The following TMC3 variants were observed in gnomAD, a reference collection of about 807,000 sequenced individuals.
TMC3 encodes the protein transmembrane channel-like protein 3.
A neutral mutation model predicts 110.6 loss-of-function variants in TMC3; 98 were observed. The observed-to-expected ratio is 0.89, with a 90% CI of 0.75 to 1.05. The LOEUF (loss-of-function observed/expected upper bound fraction) is 1.05, where lower values mean the gene tolerates loss of function less well. TMC3 is among the 50% of genes least tolerant of loss of function. The pLI, the probability that TMC3 is intolerant of heterozygous loss-of-function variation, is 0.00. For synonymous variants in TMC3, 489 were observed against 513.1 expected, an observed-to-expected ratio of 0.95 and a Z score of 0.63; for missense variants, 1,319 against 1,373.2, an observed-to-expected ratio of 0.96 and a Z score of 0.62.
At chr15:81,347,913 C>T (rs1159253760) in intron 11 of TMC3, among the ~76,000 whole-genome samples, 1 of 151,610 alleles carries the variant, frequency 6.6e-6, no homozygotes, top group African/African-American at 2.4e-5. Flanking sequence ...AGGCTCATCC[C>T]AGATCTACCC....
At chr15:81,348,184 A>G (rs935599460) in intron 11 of TMC3, among the ~76,000 whole-genome samples, 5 of 152,368 alleles carry the variant, frequency 3.3e-5, no homozygotes, top group Middle Eastern at 3.4e-3. Flanking sequence ...AGTATTTACT[A>G]TCTAGTTCTT....
At chr15:81,363,228 G>C (rs1199159875) in intron 3 of TMC3, among the ~76,000 whole-genome samples, 1 of 151,238 alleles carries the variant, frequency 6.6e-6, no homozygotes, top group African/African-American at 2.4e-5. Flanking sequence ...TGCAGCCTGG[G>C]GGACAGAGTG....
In TMC3 at chr15:81,351,778, G is replaced by C. The variant is rs1428394398; in HGVS notation, c.999C>G (p.Ser333Arg). The change falls in exon 10 of 22, where the codon AGC (serine) becomes AGG (arginine). Residue 333 changes from serine to arginine, a missense_variant. Coordinates refer to ENST00000359440, the MANE Select transcript of TMC3 (RefSeq NM_001080532.3). ...CCACCACAAAGTAGATGAGATAAAT[G>C]CTCCCAGCCAGTGAGAGAAGCACCA... is the stretch of plus-strand genomic sequence containing the variant. ...NILVLLSLAG[S>R]IYLIYFVVDR... 3 of 1,607,170 alleles carry C rather than the reference G, an allele frequency of 1.9e-6. No homozygotes were observed. Among genetic ancestry groups the C allele is most frequent in the Non-Finnish European group, 2.5e-6 (3 of 1,176,964 alleles).
intron 16 of TMC3, 75 bp downstream of exon 16, chr15:81,341,315 C>G (rs906799304): frequency 8.3e-6 from 12 of 1,452,126 alleles, no homozygotes; most frequent in Non-Finnish European, 1.1e-5. Context: ...GCTAGAGGAC[C>G]CCTGGGTAAG....
intron 14 of TMC3, 109 bp downstream of exon 14, chr15:81,343,808 T>C: frequency 8.1e-7 from 1 of 1,228,874 alleles, no homozygotes; most frequent in Non-Finnish European, 1.1e-6. Flanking sequence ...ACTTGTATTC[T>C]CTTTCCGTGT....
intron 7 of TMC3, among the ~76,000 whole-genome samples, chr15:81,357,437 C>T (rs976277251): frequency 2.0e-5 from 3 of 151,870 alleles, no homozygotes; most frequent in East Asian, 1.9e-4. Context: ...AGCTTTTCCC[C>T]GGGATTTGGA....
intron 4 of TMC3, among the ~76,000 whole-genome samples, chr15:81,360,353 A>C (rs1019444994): frequency 7.2e-5 from 11 of 152,194 alleles, no homozygotes; most frequent in Admixed American, 7.2e-4. Flanking sequence ...ATATATTACA[A>C]GCATTTTCTC....
chr15:81,336,494 G>A (rs1298673240), intron 20 of TMC3, 115 bp downstream of exon 20: 10 of 937,014 alleles, frequency 1.1e-5, no homozygotes, highest in Non-Finnish European at 1.5e-5. Context: ...CTTGAACCGG[G>A]AAGGTGGAGG....
Position 81,356,516 on chromosome 15 carries a change from G to T in TMC3, c.822C>A (p.Ala274=). 6.4e-7 allele frequency: 1 copy of T among 1,572,884 alleles called. No individual in the cohort carries two copies. The highest frequency in any genetic ancestry group is 8.6e-7 in the Non-Finnish European group (1 of 1,158,370). ...NYTFCWRVFC[A]WDYLIGNPEA... ...CTGGGTTTCCAATGAGGTAATCCCA[G>T]GCACAGAACACCCGCCAGCAGAAGG... Residue 274 remains alanine, a synonymous_variant, in exon 8 of 22, where the codon GCC becomes GCA. Transcript: ENST00000359440.
chr15:81,332,830 T>G lies in TMC3; in HGVS notation c.2892A>C (p.Ile964=). 2 of 1,613,168 alleles carry G rather than the reference T, an allele frequency of 1.2e-6. No individual in the cohort carries two copies. Among genetic ancestry groups the G allele is most frequent in the Non-Finnish European group, 1.7e-6 (2 of 1,179,744 alleles). ...IKRSLPPRSL[I]DLRRAPHFYI... The stretch of plus-strand genomic sequence containing the variant: ...AAAAATGAGGAGCCCGACGGAGGTC[T>G]ATCAGGGAGCGTGGGGGAAGAGACC... Residue 964 remains isoleucine, a synonymous_variant, in exon 22 of 22, where the codon ATA becomes ATC. Transcript: ENST00000359440.
chr15:81,337,929 G>A lies in TMC3; in HGVS notation c.2082-5C>T. On this transcript the variant is annotated splice_region_variant and splice_polypyrimidine_tract_variant and intron_variant, in intron 18 of 21. Transcript: ENST00000359440. ...TGGAGATAATAGATGAGCATGCTAG[G>A]ACAGAACAACACAGGACAATGAGTG... 2 of 1,612,738 alleles carry A rather than the reference G, an allele frequency of 1.2e-6. No homozygotes were observed. The highest frequency in any genetic ancestry group is 1.3e-5 in the African/African-American group (1 of 75,008).
chr15:81,351,901 C>G (rs1893960698), intron 9 of TMC3, 60 bp from the exon 10 acceptor site: 1 of 1,571,672 alleles, frequency 6.4e-7, no homozygotes, highest in African/African-American at 1.3e-5. Context: ...CACCACGATG[C>G]AAAGACAACA....
chr15:81,361,194 A>T (rs7169425), intron 4 of TMC3, among the ~76,000 whole-genome samples: 23,882 of 152,038 alleles, frequency 0.16, 3,586 homozygotes, highest in African/African-American at 0.4. Context: ...TTCTTTTTTT[A>T]GGTAATTAAA....
At position 81,373,984 on chromosome 15, in the gene TMC3, C is replaced by A; in HGVS notation, c.89+5G>T. On this transcript the variant is annotated splice_donor_5th_base_variant and intron_variant, in intron 1 of 21. Transcript: ENST00000359440. ...CTGCCCAGCTGATGAATGGGGCCAG[C>A]TCACCTGAGCAGCAGAGATTCCTGG... is the stretch of plus-strand genomic sequence containing the variant. The A allele has an allele frequency of 1.2e-6, 2 of 1,612,942 alleles. No individual in the cohort carries two copies. Among genetic ancestry groups the A allele is most frequent in the Non-Finnish European group, 1.7e-6 (2 of 1,179,492 alleles).
chr15:81,344,046 C>G lies in TMC3; in HGVS notation c.1519-1G>C, dbSNP rs1567063084. On this transcript the variant is annotated splice_acceptor_variant, in intron 13 of 21. Transcript: ENST00000359440. LOFTEE classifies it high-confidence loss of function. ...CAATGATGGAGAGCTTCAGCATCTCCTGAAACACAGGGCGTCCCTGGATGC... is the reference window on the plus strand; with the variant it reads ...CAATGATGGAGAGCTTCAGCATCTCGTGAAACACAGGGCGTCCCTGGATGC... 1 of 1,607,402 alleles carries G rather than the reference C, an allele frequency of 6.2e-7. No homozygotes were observed. Among genetic ancestry groups the G allele is most frequent in the African/African-American group, 1.3e-5 (1 of 74,980 alleles).
chr15:81,355,947 CGGTTGGGAAGAGG>C (rs1894051253), intron 8 of TMC3, among the ~76,000 whole-genome samples, 179 bp from the exon 9 acceptor site: 1 of 143,814 alleles, frequency 7.0e-6, no homozygotes, highest in Non-Finnish European at 1.5e-5. Context: ...AAAATATTGG[CGGTTGGGAAGAGG>C]GATTGGGAGA....
intron 11 of TMC3, among the ~76,000 whole-genome samples, chr15:81,348,339 A>T (rs1893868924): frequency 6.6e-6 from 1 of 152,224 alleles, no homozygotes; most frequent in African/African-American, 2.4e-5. Context: ...GAGATCAGGT[A>T]AGCAGGGCTC....
At chr15:81,343,529 C>T (rs559702164) in intron 14 of TMC3, among the ~76,000 whole-genome samples, 184 bp from the exon 15 acceptor site, 1 of 152,278 alleles carries the variant, frequency 6.6e-6, no homozygotes, top group South Asian at 2.1e-4. Context: ...GTAGCTTATG[C>T]CTGTAATCCC....
intron 9 of TMC3, among the ~76,000 whole-genome samples, chr15:81,354,974 C>A (rs1596088843): frequency 6.6e-6 from 1 of 152,180 alleles, no homozygotes; most frequent in Admixed American, 6.5e-5. Context: ...AGTTCAGGAG[C>A]ATTTCCCAGG....
Sources: allele counts gnomAD v4.1 joint callset (sites outside exome capture counted in the v4.1 genomes callset), GRCh38; gene constraint gnomAD v4.1.1; transcripts MANE v1.5; gene names NCBI Gene and HGNC (gene_info 2026-07-23, HGNC 2026-07-21).